MIER2: variants seen among roughly 807,000 people sequenced by gnomAD.
The protein encoded by MIER2 is MIER family member 2.
MIER2 carries 30 observed loss-of-function variants against 67.6 expected under a neutral mutation model. The ratio of observed to expected loss-of-function variants is 0.44; its 90% CI spans 0.33 to 0.60. MIER2 has a LOEUF of 0.60. Ranked by LOEUF, MIER2 falls within the 20% of genes least tolerant of loss-of-function variation. MIER2 has a pLI of 0.02. For synonymous variants in MIER2, 372 were observed against 312.6 expected, an observed-to-expected ratio of 1.19 and a Z score of -2.00; for missense variants, 702 against 745.1, an observed-to-expected ratio of 0.94 and a Z score of 0.67.
chr19:316,435 G>A (rs981596000), intron 7 of MIER2, among the ~76,000 whole-genome samples: 1 of 152,042 alleles, frequency 6.6e-6, no homozygotes, highest in Non-Finnish European at 1.5e-5. Flanking sequence ...TGGGACTACA[G>A]GTGCCCACCA....
chr19:336,882 G>A (rs184645277), intron 1 of MIER2, among the ~76,000 whole-genome samples: 6 of 151,618 alleles, frequency 4.0e-5, no homozygotes, highest in Middle Eastern at 3.4e-3. Flanking sequence ...TTGCTCTGTC[G>A]CCCAGGCTGG....
chr19:320,070 C>G (rs1355767481), intron 7 of MIER2, among the ~76,000 whole-genome samples: 2 of 152,106 alleles, frequency 1.3e-5, no homozygotes, highest in Non-Finnish European at 2.9e-5. Context: ...TTTCAGGTGT[C>G]CACTTAAAGA....
In MIER2 at chr19:305,904, G is replaced by A. The variant is rs34111128; in HGVS notation, c.*786C>T. 1 of 152,298 alleles carries A rather than the reference G, an allele frequency of 6.6e-6. No individual in the cohort carries two copies. Among genetic ancestry groups the A allele is most frequent in the Admixed American group, 6.5e-5 (1 of 15,284 alleles). 9.4% of individuals were successfully genotyped at this position (152,298 alleles called of 1,614,324 possible). ...GAGTCTGGCCCCTGCGTGGCCAGCA[G>A]GGCCGGCTCCTCCGGAGGCTCCCTG... On this transcript the variant is annotated 3_prime_UTR_variant, in exon 14 of 14. Coordinates refer to ENST00000264819, the MANE Select transcript of MIER2 (RefSeq NM_017550.3).
rs1199542614 is a variant in MIER2 at position 306,364 on chromosome 19, G to T, written c.*326C>A. ...GCCTCTGCTGGCTGGAAGGGACTAGGTGGCCGGCTCTGCCCTGCGTCCCAA... is the reference window on the plus strand; with the variant it reads ...GCCTCTGCTGGCTGGAAGGGACTAGTTGGCCGGCTCTGCCCTGCGTCCCAA... On this transcript the variant is annotated 3_prime_UTR_variant, in exon 14 of 14. Coordinates refer to ENST00000264819, the MANE Select transcript of MIER2 (RefSeq NM_017550.3). 1 of 474,544 alleles carries T rather than the reference G, an allele frequency of 2.1e-6. No individual in the cohort carries two copies. The highest frequency in any genetic ancestry group is 3.8e-6 in the Non-Finnish European group (1 of 264,302). The allele number at this position is 474,544 out of a possible 1,614,324, so 29.4% of individuals were successfully genotyped here.
chr19:330,126 C>G (rs1470255116), intron 3 of MIER2: 1 of 152,132 alleles, frequency 6.6e-6, no homozygotes, highest in Non-Finnish European at 1.5e-5. Flanking sequence ...CAGGCGCTGC[C>G]TTGTATGCAA....
intron 1 of MIER2, chr19:344,099 G>A (rs1287152685): frequency 7.1e-6 from 7 of 985,312 alleles, no homozygotes; most frequent in East Asian, 1.1e-4. Flanking sequence ...TCCTGGACGA[G>A]GGAGGAGGCT....
At position 308,767 on chromosome 19, in the gene MIER2, G is replaced by A. The variant is rs1970787034; in HGVS notation, c.1109+34C>T. On this transcript the variant is annotated intron_variant, in intron 11 of 13. Transcript: ENST00000264819. This position sits in a 1 kb window ranked among gnomAD's most constrained non-coding sequence, Gnocchi z 9.1. The stretch of plus-strand genomic sequence containing the variant: ...CGTGCCCACCCCCGGCGGGGTGGCC[G>A]CCTGTCGTTACTGCTGGGGAGGGCT... 9.4e-6 allele frequency: 15 copies of A among 1,594,008 alleles called. No individual in the cohort carries two copies. Among genetic ancestry groups the A allele is most frequent in the African/African-American group, 2.7e-5 (2 of 74,458 alleles).
Position 307,362 on chromosome 19 carries a change from G to C in MIER2, c.1373C>G (p.Ala458Gly). 6.2e-7 allele frequency: 1 copy of C among 1,606,330 alleles called. No individual in the cohort carries two copies. Among genetic ancestry groups the C allele is most frequent in the Non-Finnish European group, 8.5e-7 (1 of 1,177,274 alleles). The change falls in exon 13 of 14, where the codon GCT becomes GGT. Residue 458 changes from alanine (A) to glycine (G), a missense_variant. Around this residue, in one of 3 missense-constraint regions of MIER2, gnomAD observed 254 missense variants for 262.8 expected, o/e 0.97. Coordinates refer to ENST00000264819, the MANE Select transcript of MIER2 (RefSeq NM_017550.3). ...GGCGTCTGGCTCCGGAGCAGTGACA[G>C]CTGGCTGGTATGAGGCTGGGTCGGC... ...ALADPASYQP[A>G]VTAPEPDASP...
At chr19:313,272 C>A (rs1971093665) in intron 8 of MIER2, among the ~76,000 whole-genome samples, 1 of 152,156 alleles carries the variant, frequency 6.6e-6, no homozygotes, top group Non-Finnish European at 1.5e-5. Context: ...GTCTACATCC[C>A]CTTGCAGGAT....
At position 308,659 on chromosome 19, in the gene MIER2, T is replaced by G. The variant is rs1314756600; in HGVS notation, c.1116A>C (p.Ala372=). ...GGTCGCTGCCATCCAGGTCCTGGTC[T>G]GCGTCCCTGTGGGGAGAGGGCGCCA... ...RKYVPSGTTD[A]DQDLDGSDPD... is the part of the protein sequence containing the mutation. The change falls in exon 12 of 14, where the codon GCA becomes GCC. Residue 372 remains alanine (A), a synonymous_variant. Transcript: ENST00000264819. This position sits in a 1 kb window ranked among gnomAD's most constrained non-coding sequence, Gnocchi z 9.1. 1.2e-6 allele frequency: 2 copies of G among 1,601,738 alleles called. No individual in the cohort carries two copies. The highest frequency in any genetic ancestry group is 1.7e-6 in the Non-Finnish European group (2 of 1,175,608).
At position 338,266 on chromosome 19, in the gene MIER2, A is replaced by C. The variant is rs2145554970; in HGVS notation, c.10-2093T>G. 1.3e-5 allele frequency among the ~76,000 whole-genome samples: 2 copies of C among 152,198 alleles called. 1 individual carries two copies. Among genetic ancestry groups the C allele is most frequent in the South Asian group, 4.2e-4 (2 of 4,818 alleles). ...GTGACATGATCTAAAAAACTATTCA[A>C]ACTACAGTGAGTTCAGCAAGGTTGC... On this transcript the variant is annotated intron_variant, in intron 1 of 13. Transcript: ENST00000264819.
intron 1 of MIER2, among the ~76,000 whole-genome samples, chr19:340,160 C>T (rs1972438045): frequency 6.6e-6 from 1 of 152,274 alleles, no homozygotes; most frequent in Admixed American, 6.5e-5. Context: ...GTCAGTTACC[C>T]AAGCTCACAC....
chr19:339,317 G>A (rs1044415867), intron 1 of MIER2, among the ~76,000 whole-genome samples: 4 of 152,178 alleles, frequency 2.6e-5, no homozygotes, highest in African/African-American at 9.7e-5. Flanking sequence ...TTTCTCCAAA[G>A]AGGACAGACA....
At chr19:317,621 T>A (rs1971308058) in intron 7 of MIER2, among the ~76,000 whole-genome samples, 1 of 149,468 alleles carries the variant, frequency 6.7e-6, no homozygotes, top group Non-Finnish European at 1.5e-5. Flanking sequence ...TCCCAGCTAC[T>A]TGGGAGGCTA....
intron 3 of MIER2, among the ~76,000 whole-genome samples, chr19:331,912 C>T (rs904986665): frequency 6.6e-6 from 1 of 151,548 alleles, no homozygotes; most frequent in Non-Finnish European, 1.5e-5. Flanking sequence ...GCCCAGGAGG[C>T]GGAGGATGCA....
rs1376873017 is a variant in MIER2 at position 327,133 on chromosome 19, A to G, written c.493T>C (p.Ser165Pro). The change falls in exon 5 of 14, where the codon TCT (serine) becomes CCT (proline). Residue 165 changes from serine (S) to proline (P), a missense_variant and splice_region_variant. Coordinates refer to ENST00000264819, the MANE Select transcript of MIER2 (RefSeq NM_017550.3). ...GGAGTATGGGGACAGAGTCACCTAC[A>G]TCCACTCCGGTTAGGGAAGAGGTCG... ...ASDLFPNRSG[S>P]RFLADEDREP... The G allele has an allele frequency of 6.3e-7, 1 of 1,582,034 alleles. No homozygotes were observed. The highest frequency in any genetic ancestry group is 8.5e-7 in the Non-Finnish European group (1 of 1,171,150).
intron 3 of MIER2, 86 bp downstream of exon 3, chr19:334,314 T>C: frequency 6.4e-7 from 1 of 1,563,130 alleles, no homozygotes; most frequent in Non-Finnish European, 8.7e-7. Flanking sequence ...CACTTACCAA[T>C]GTGGAATCTG....
chr19:312,176 C>G lies in MIER2; in HGVS notation c.889+15G>C, dbSNP rs748590532. 2 of 1,561,808 alleles carry G rather than the reference C, an allele frequency of 1.3e-6. No individual in the cohort carries two copies. Among genetic ancestry groups the G allele is most frequent in the South Asian group, 2.2e-5 (2 of 89,144 alleles). On this transcript the variant is annotated intron_variant, in intron 9 of 13. Transcript: ENST00000264819. Reference sequence around the variant, plus strand: ...GCGGGGCCGCAGCGGAAGGAAGGCCCAGACCGCTGCTCACCTCGGATCACC... The same window carrying G: ...GCGGGGCCGCAGCGGAAGGAAGGCCGAGACCGCTGCTCACCTCGGATCACC...
intron 7 of MIER2, among the ~76,000 whole-genome samples, chr19:317,045 G>A (rs544045315): frequency 1.3e-5 from 2 of 152,258 alleles, no homozygotes; most frequent in Middle Eastern, 6.8e-3. Flanking sequence ...CTTATAAGCT[G>A]AAACAGAAGG....
Sources: gnomAD v4.1 joint callset for allele counts (sites outside exome capture counted in the v4.1 genomes callset) on GRCh38, gnomAD v4.1.1 for gene constraint, gnomAD v4.1.1 regional missense constraint, Gnocchi (gnomAD v3.1) non-coding constraint, MANE v1.5 for transcripts, NCBI Gene and HGNC (gene_info 2026-07-23, HGNC 2026-07-21) for gene names.